The following CDH7 variants were observed in gnomAD, a reference collection of about 807,000 sequenced individuals.
The protein encoded by CDH7 is cadherin-7.
CDH7 carries 25 observed loss-of-function variants against 71.8 expected under a neutral mutation model. That is an observed-to-expected ratio of 0.35 (90% CI 0.25 to 0.49). CDH7 has a LOEUF of 0.49. Among genes scored for constraint, CDH7 ranks in the 20% least tolerant of loss-of-function variants. CDH7 has a pLI of 0.99. For synonymous variants in CDH7, 381 were observed against 363.8 expected, an observed-to-expected ratio of 1.05 and a Z score of -0.54; for missense variants, 862 against 974.6, an observed-to-expected ratio of 0.88 and a Z score of 1.54.
intron 2 of CDH7, among the ~76,000 whole-genome samples, chr18:65,780,820 G>C (rs559389967): frequency 1.3e-5 from 2 of 151,742 alleles, no homozygotes; most frequent in Non-Finnish European, 2.9e-5. Flanking sequence ...CACTCTCAGG[G>C]AAAAACAAGG....
chr18:65,880,256 T>C (rs1914181603), intron 11 of CDH7, 145 bp from the exon 12 acceptor site: 1 of 777,230 alleles, frequency 1.3e-6, no homozygotes, highest in Non-Finnish European at 1.9e-6. Flanking sequence ...TCTACCGCTG[T>C]GAATCCTTGT....
At chr18:65,865,716 A>G (rs866527294) in intron 11 of CDH7, 13 of 152,252 alleles carry the variant, frequency 8.5e-5, no homozygotes, top group Middle Eastern at 3.4e-3. Flanking sequence ...TTTTGTCGCC[A>G]CTATTATAGA....
chr18:65,882,091 T>TTGAG lies in CDH7; in HGVS notation c.*1199_*1202dup, dbSNP rs1011629487. On this transcript the variant is annotated 3_prime_UTR_variant, in exon 12 of 12. Transcript: ENST00000397968. The stretch of plus-strand genomic sequence containing the variant: ...TGCTGCAAACCTATTGAGTAAAATA[T>TTGAG]TGAGTTTTTAAAAGTCTTAATATAA... 249 of 152,218 alleles carry TTGAG rather than the reference T, an allele frequency of 1.6e-3. 1 individual carries two copies. The highest frequency in any genetic ancestry group is 5.6e-3 in the African/African-American group (232 of 41,536). 9.4% of individuals were successfully genotyped at this position (152,218 alleles called of 1,614,324 possible).
intron 6 of CDH7, among the ~76,000 whole-genome samples, chr18:65,837,176 A>G (rs1007112915): frequency 6.6e-6 from 1 of 152,172 alleles, no homozygotes; most frequent in Non-Finnish European, 1.5e-5. Flanking sequence ...TCATCTACCT[A>G]CTAAGATCAC....
chr18:65,771,279 A>G (rs748249122), intron 2 of CDH7, among the ~76,000 whole-genome samples: 9 of 152,266 alleles, frequency 5.9e-5, no homozygotes, highest in Admixed American at 2.6e-4. Context: ...ATAACAAGTA[A>G]TTGTTGACAA....
intron 2 of CDH7, among the ~76,000 whole-genome samples, chr18:65,771,255 T>G (rs1916533376): frequency 6.6e-6 from 1 of 152,092 alleles, no homozygotes; most frequent in Admixed American, 6.6e-5. Flanking sequence ...TTATAATTCA[T>G]AAGAAATGAA....
chr18:65,853,557 A>T (rs1194406433), intron 7 of CDH7, among the ~76,000 whole-genome samples: 1 of 151,860 alleles, frequency 6.6e-6, no homozygotes, highest in Non-Finnish European at 1.5e-5. Flanking sequence ...GCATGTCCAG[A>T]GGGGCTGGTA....
intron 5 of CDH7, among the ~76,000 whole-genome samples, chr18:65,823,800 AC>A (rs33963202): frequency 0.026 from 3,877 of 151,954 alleles, 162 homozygotes; most frequent in African/African-American, 0.089. Context: ...CAAATGCACC[AC>A]AATTTAACAA....
chr18:65,781,980 C>CTCTT (rs1910274150), intron 2 of CDH7, among the ~76,000 whole-genome samples: 1 of 70,912 alleles, frequency 1.4e-5, no homozygotes, highest in African/African-American at 1.0e-4. Context: ...CTCTCTCTCT[C>CTCTT]TCTCTCTTTC....
At chr18:65,869,562 T>TTTC (rs1913866746) in intron 11 of CDH7, among the ~76,000 whole-genome samples, 1 of 143,210 alleles carries the variant, frequency 7.0e-6, no homozygotes, top group African/African-American at 2.6e-5. Flanking sequence ...TTTTTTTTTT[T>TTTC]TTTTTTTTGT....
Position 65,809,791 on chromosome 18 carries a change from A to T in CDH7, c.298A>T (p.Asn100Tyr). The change falls in exon 3 of 12, where the codon AAC becomes TAC. Residue 100 changes from asparagine (N) to tyrosine (Y), a missense_variant. Coordinates refer to ENST00000397968, the MANE Select transcript of CDH7 (RefSeq NM_004361.5). ...GASSIFIIDE[N>Y]TGDIHATKRL... Reference sequence around the variant, plus strand: ...AAGTTCCATTTTCATTATTGATGAGAACACTGGGGATATTCATGCCACCAA... The same window carrying T: ...AAGTTCCATTTTCATTATTGATGAGTACACTGGGGATATTCATGCCACCAA... 6.2e-7 allele frequency: 1 copy of T among 1,614,020 alleles called. No homozygotes were observed. The highest frequency in any genetic ancestry group is 8.5e-7 in the Non-Finnish European group (1 of 1,179,958).
In CDH7 at chr18:65,859,560, G is replaced by A. The variant is rs536497343; in HGVS notation, c.1495-148G>A. ...GTTTTTCAGAGCCCTTTTTTAGATT[G>A]GGTTCATAATAATACATCGGATCCT... is the stretch of plus-strand genomic sequence containing the variant. On this transcript the variant is annotated intron_variant, in intron 9 of 11. Coordinates refer to ENST00000397968, the MANE Select transcript of CDH7 (RefSeq NM_004361.5). 79 of 570,576 alleles carry A rather than the reference G, an allele frequency of 1.4e-4. No individual in the cohort carries two copies. In the African/African-American group the frequency reaches 1.4e-3, roughly 10 times the overall value. 35.3% of individuals were successfully genotyped at this position (570,576 alleles called of 1,614,324 possible).
At chr18:65,825,499 G>T (rs1912094952) in intron 6 of CDH7, among the ~76,000 whole-genome samples, 1 of 151,740 alleles carries the variant, frequency 6.6e-6, no homozygotes, top group African/African-American at 2.4e-5. Context: ...TCAATTTAGA[G>T]ATATGACTTT....
chr18:65,842,657 A>G (rs8085763), intron 6 of CDH7, among the ~76,000 whole-genome samples: 14,076 of 151,842 alleles, frequency 0.093, 1,047 homozygotes, highest in African/African-American at 0.21. Context: ...TATTTTGGTT[A>G]TTACCTCCTT....
chr18:65,781,806 C>T (rs958244477), intron 2 of CDH7, among the ~76,000 whole-genome samples: 10 of 80,454 alleles, frequency 1.2e-4, no homozygotes, highest in African/African-American at 7.5e-4. Context: ...TTCCTTCCTT[C>T]CTTCCTTCCT....
chr18:65,825,265 G>C (rs1261411729), intron 6 of CDH7, among the ~76,000 whole-genome samples: 1 of 151,820 alleles, frequency 6.6e-6, no homozygotes, highest in African/African-American at 2.4e-5. Flanking sequence ...TTGAAAACTT[G>C]CTACATTACC....
chr18:65,834,797 A>G (rs1912476629), intron 6 of CDH7, among the ~76,000 whole-genome samples: 1 of 152,154 alleles, frequency 6.6e-6, no homozygotes, highest in Non-Finnish European at 1.5e-5. Flanking sequence ...TAATTTGGCC[A>G]TTTCAAGTTT....
At chr18:65,807,710 C>G (rs1280319111) in intron 2 of CDH7, among the ~76,000 whole-genome samples, 1 of 152,130 alleles carries the variant, frequency 6.6e-6, no homozygotes, top group Non-Finnish European at 1.5e-5. Context: ...CTGCATTTGT[C>G]TTGGGAGTCA....
chr18:65,843,499 C>T (rs923914533), intron 6 of CDH7, among the ~76,000 whole-genome samples: 23 of 152,138 alleles, frequency 1.5e-4, no homozygotes, highest in African/African-American at 5.3e-4. Flanking sequence ...ATTACATTGA[C>T]AGTCCCTGTT....
Sources: allele counts gnomAD v4.1 joint callset (sites outside exome capture counted in the v4.1 genomes callset), GRCh38; gene constraint gnomAD v4.1.1; transcripts MANE v1.5; gene names NCBI Gene and HGNC (gene_info 2026-07-23, HGNC 2026-07-21).